The following CRPPA variants were observed in gnomAD, a reference collection of about 807,000 sequenced individuals.
CRPPA encodes the protein D-ribitol-5-phosphate cytidylyltransferase.
Under a neutral mutation model 52.0 loss-of-function variants are expected in CRPPA, and 43 were observed. The observed-to-expected ratio is 0.83, with a 90% CI of 0.65 to 1.07. CRPPA has a LOEUF of 1.07. CRPPA is among the 50% of genes least tolerant of loss of function. The pLI is 0.00. For synonymous variants in CRPPA, 250 were observed against 203.5 expected (o/e 1.23, Z -1.94); for missense variants, 629 against 551.7 (o/e 1.14, Z -1.40).
chr7:16,104,623 G>A (rs1782112008), intron 9 of CRPPA, among the ~76,000 whole-genome samples: 1 of 152,176 alleles, frequency 6.6e-6, no homozygotes, highest in Admixed American at 6.5e-5. Context: ...ATTAGAGGCT[G>A]GGTGCAGTGG....
intron 8 of CRPPA, among the ~76,000 whole-genome samples, chr7:16,236,296 A>G (rs1782948545): frequency 6.6e-6 from 1 of 152,080 alleles, no homozygotes; most frequent in African/African-American, 2.4e-5. Flanking sequence ...CTGTTCCCAA[A>G]TAAGTTTTTC....
At chr7:16,159,882 C>T (rs990485184) in intron 9 of CRPPA, among the ~76,000 whole-genome samples, 1 of 152,078 alleles carries the variant, frequency 6.6e-6, no homozygotes, top group African/African-American at 2.4e-5. Context: ...TGTTTCCTGA[C>T]GTTTTAATGA....
intron 3 of CRPPA, among the ~76,000 whole-genome samples, chr7:16,324,531 G>A (rs528846906): frequency 1.1e-4 from 16 of 152,308 alleles, no homozygotes; most frequent in African/African-American, 3.8e-4. Context: ...TTGGGCACTG[G>A]CCTTTGATGC....
intron 8 of CRPPA, among the ~76,000 whole-genome samples, chr7:16,223,020 G>A (rs1441926700): frequency 6.6e-6 from 1 of 152,104 alleles, no homozygotes; most frequent in East Asian, 1.9e-4. Context: ...GGCCAGGCAT[G>A]GTGGCTCATT....
In CRPPA at chr7:16,308,586, T is replaced by C. The variant is rs61746966; in HGVS notation, c.726A>G (p.Gln242=). ...TAGTGCAACAGTATTTTAGGGCCAA[T>C]TGCAAACACTCAGTTCCAAATTCCA... is the stretch of plus-strand genomic sequence containing the variant. ...YDLEFGTECL[Q]LALKYCCTKA... The change falls in exon 4 of 10, where the codon CAA becomes CAG. Residue 242 remains glutamine, a synonymous_variant. Transcript: ENST00000407010. 5.0e-3 allele frequency: 8,129 copies of C among 1,611,086 alleles called. 305 individuals carry two copies. The African/African-American group carries it at 0.094, about 19-fold the overall frequency.
chr7:16,124,023 A>C (rs1782526874), intron 9 of CRPPA, among the ~76,000 whole-genome samples: 1 of 152,064 alleles, frequency 6.6e-6, no homozygotes, highest in Admixed American at 6.6e-5. Context: ...GGAAGTGCAG[A>C]TATCCCTATC....
chr7:16,174,669 A>G (rs1234307027), intron 9 of CRPPA, among the ~76,000 whole-genome samples: 1 of 152,094 alleles, frequency 6.6e-6, no homozygotes, highest in Non-Finnish European at 1.5e-5. Flanking sequence ...GAAAGTACCT[A>G]ATCAACTACA....
intron 3 of CRPPA, among the ~76,000 whole-genome samples, chr7:16,316,304 G>A (rs1317625608): frequency 2.0e-5 from 3 of 151,990 alleles, no homozygotes; most frequent in Non-Finnish European, 2.9e-5. Flanking sequence ...GACAGAAGAG[G>A]ACAGGGCTGG....
intron 6 of CRPPA, 39 bp downstream of exon 6, chr7:16,278,090 G>T: frequency 9.6e-7 from 1 of 1,037,090 alleles, no homozygotes; most frequent in Non-Finnish European, 1.5e-6. Context: ...AAAGTTTTTG[G>T]CAATCAAAGT....
intron 5 of CRPPA, among the ~76,000 whole-genome samples, chr7:16,286,455 T>C (rs1263615489): frequency 6.6e-6 from 1 of 152,064 alleles, no homozygotes; most frequent in Non-Finnish European, 1.5e-5. Flanking sequence ...CACGGGCAAA[T>C]GTCTAAGCAT....
At chr7:16,101,110 A>C (rs1782034847) in intron 9 of CRPPA, among the ~76,000 whole-genome samples, 1 of 152,114 alleles carries the variant, frequency 6.6e-6, no homozygotes, top group Admixed American at 6.6e-5. Context: ...GGCCTGAGAC[A>C]CAACTTTTTT....
intron 3 of CRPPA, among the ~76,000 whole-genome samples, chr7:16,318,091 T>C (rs560334605): frequency 7.2e-5 from 11 of 152,284 alleles, no homozygotes; most frequent in South Asian, 4.1e-4. Context: ...TCTCTCTTAC[T>C]TTCTCCTAAC....
At chr7:16,371,279 G>T (rs914869975) in intron 3 of CRPPA, among the ~76,000 whole-genome samples, 10 of 152,044 alleles carry the variant, frequency 6.6e-5, no homozygotes, top group Non-Finnish European at 1.2e-4. Context: ...TAAAATACTG[G>T]AGAAAAATTA....
chr7:16,327,191 T>C (rs1785418726), intron 3 of CRPPA, among the ~76,000 whole-genome samples: 1 of 152,106 alleles, frequency 6.6e-6, no homozygotes, highest in Non-Finnish European at 1.5e-5. Context: ...TTCAACTCAC[T>C]CCAGGTAAAA....
chr7:16,232,853 T>C (rs145819027), intron 8 of CRPPA, among the ~76,000 whole-genome samples: 93 of 152,220 alleles, frequency 6.1e-4, no homozygotes, highest in African/African-American at 2.1e-3. Context: ...GCAGAAAATA[T>C]GGCCGATTAT....
intron 8 of CRPPA, among the ~76,000 whole-genome samples, chr7:16,218,227 A>G (rs1782386986): frequency 7.1e-6 from 1 of 140,822 alleles, no homozygotes; most frequent in East Asian, 2.1e-4. Flanking sequence ...AATACTTTAC[A>G]GACAAGCAAA....
chr7:16,245,710 G>A (rs1487180987), intron 8 of CRPPA, among the ~76,000 whole-genome samples: 3 of 152,134 alleles, frequency 2.0e-5, no homozygotes, highest in Non-Finnish European at 4.4e-5. Flanking sequence ...TTTCCCTCCA[G>A]ACTACTGGAG....
chr7:16,330,066 GA>G (rs1478269077), intron 3 of CRPPA, among the ~76,000 whole-genome samples: 1 of 152,078 alleles, frequency 6.6e-6, no homozygotes, highest in Non-Finnish European at 1.5e-5. Context: ...AAATTCTCTG[GA>G]ACTAACTTTG....
chr7:16,148,052 C>T (rs1458673956), intron 9 of CRPPA, among the ~76,000 whole-genome samples: 2 of 152,064 alleles, frequency 1.3e-5, no homozygotes, highest in Admixed American at 1.3e-4. Flanking sequence ...ATTGTCTATC[C>T]CTGAACTGCC....
Sources: gnomAD v4.1 joint callset for allele counts (sites outside exome capture counted in the v4.1 genomes callset) on GRCh38, gnomAD v4.1.1 for gene constraint, MANE v1.5 for transcripts, NCBI Gene and HGNC (gene_info 2026-07-23, HGNC 2026-07-21) for gene names.